The following GRAP2 variants were observed in gnomAD, a reference collection of about 807,000 sequenced individuals.
GRAP2 encodes GRB2-related adapter protein 2.
In GRAP2, 31 loss-of-function variants were observed where a neutral mutation model predicts 43.5. That is an observed-to-expected ratio of 0.71 (90% CI 0.54 to 0.96). The LOEUF (loss-of-function observed/expected upper bound fraction) is 0.96, where lower values mean the gene tolerates loss of function less well. GRAP2 is among the 40% of genes least tolerant of loss of function. The pLI is 0.00. For missense variants in GRAP2, 371 were observed against 424.4 expected (o/e 0.87, Z 1.11); for synonymous variants, 156 against 164.8 (o/e 0.95, Z 0.41).
chr22:39,929,751 T>C (rs987221750), intron 1 of GRAP2, among the ~76,000 whole-genome samples: 1 of 152,248 alleles, frequency 6.6e-6, no homozygotes, highest in Non-Finnish European at 1.5e-5. Flanking sequence ...TTAATAGCTC[T>C]ACCCAGACTT....
intron 1 of GRAP2, among the ~76,000 whole-genome samples, chr22:39,904,899 T>A (rs2145566738): frequency 6.6e-6 from 1 of 152,354 alleles, no homozygotes; most frequent in Middle Eastern, 3.4e-3. Context: ...AATTTGTTCC[T>A]CTACCCACTT....
At chr22:39,908,793 AT>A (rs1480664586) in intron 1 of GRAP2, among the ~76,000 whole-genome samples, 2 of 152,118 alleles carry the variant, frequency 1.3e-5, no homozygotes, top group African/African-American at 2.4e-5. Context: ...TGTGCTTCAA[AT>A]TTTCTAAGTG....
rs895758787 is a variant in GRAP2 at position 39,964,461 on chromosome 22, C to T, written c.291-1529C>T. 43 of 1,012,948 alleles carry T rather than the reference C, an allele frequency of 4.2e-5. No homozygotes were observed. The African/African-American group carries it at 4.9e-4, about 12-fold the overall frequency. 62.7% of individuals were successfully genotyped at this position (1,012,948 alleles called of 1,614,324 possible). On this transcript the variant is annotated intron_variant, in intron 4 of 7. Transcript: ENST00000344138. ...AGATGGACGAGGAAGAGAAGGCTTT[C>T]AAGCAGAAACAAAAAGAGGAGCAGA... is the stretch of plus-strand genomic sequence containing the variant.
chr22:39,969,711 C>T (rs893345606), intron 7 of GRAP2, among the ~76,000 whole-genome samples, 178 bp downstream of exon 7: 2 of 152,058 alleles, frequency 1.3e-5, no homozygotes, highest in Non-Finnish European at 2.9e-5. Flanking sequence ...GTCAGGAGTT[C>T]GAGACCAGCC....
At chr22:39,958,139 C>T (rs144755413) in intron 3 of GRAP2, among the ~76,000 whole-genome samples, 1 of 152,096 alleles carries the variant, frequency 6.6e-6, no homozygotes, top group Non-Finnish European at 1.5e-5. Flanking sequence ...GGGATCCCCC[C>T]TCCCACTGGA....
intron 2 of GRAP2, among the ~76,000 whole-genome samples, chr22:39,953,946 C>A (rs1185414585): frequency 6.6e-6 from 1 of 152,174 alleles, no homozygotes; most frequent in Non-Finnish European, 1.5e-5. Flanking sequence ...CTTACTGTTA[C>A]TTCCCTGCTC....
At chr22:39,944,105 C>T (rs187259515) in intron 1 of GRAP2, among the ~76,000 whole-genome samples, 56 of 152,258 alleles carry the variant, frequency 3.7e-4, no homozygotes, top group Admixed American at 3.3e-3. Flanking sequence ...CTCCGCCCCC[C>T]ACAACTCTGT....
intron 4 of GRAP2, chr22:39,964,407 A>T (rs1156714607): frequency 2.5e-6 from 2 of 808,912 alleles, no homozygotes; most frequent in Non-Finnish European, 4.2e-6. Flanking sequence ...AGAAGAAGGC[A>T]CTGAAACAGC....
intron 1 of GRAP2, among the ~76,000 whole-genome samples, chr22:39,914,781 C>G (rs2066591144): frequency 6.6e-6 from 1 of 152,132 alleles, no homozygotes; most frequent in Non-Finnish European, 1.5e-5. Context: ...ATCAAAGTTA[C>G]AACAGATGAG....
intron 1 of GRAP2, among the ~76,000 whole-genome samples, chr22:39,920,875 A>T (rs1345240799): frequency 6.6e-6 from 1 of 151,866 alleles, no homozygotes; most frequent in African/African-American, 2.4e-5. Context: ...CATTAGCAGG[A>T]CAAGACCTGA....
intron 1 of GRAP2, among the ~76,000 whole-genome samples, chr22:39,934,405 C>G (rs1421744040): frequency 2.6e-5 from 4 of 152,130 alleles, no homozygotes; most frequent in African/African-American, 9.7e-5. Context: ...CCAGCCCTAC[C>G]TGATTCAAAA....
At chr22:39,957,740 G>A (rs2067072962) in intron 3 of GRAP2, among the ~76,000 whole-genome samples, 1 of 152,064 alleles carries the variant, frequency 6.6e-6, no homozygotes, top group African/African-American at 2.4e-5. Context: ...TTTGAGACCA[G>A]CCTGGGCAAC....
chr22:39,968,476 C>T, intron 6 of GRAP2: 1 of 584,196 alleles, frequency 1.7e-6, no homozygotes. Context: ...CACACACACA[C>T]ACACTGTCTC....
rs376214658 is a variant in GRAP2, at chr22:39,966,183, C to A, written c.459+25C>A. Reference sequence around the variant, plus strand: ...GGTATGCTCCAGATCCAGTCGACCCCAATCTAGAGATTTTAGGCAGCCTGA... The same window carrying A: ...GGTATGCTCCAGATCCAGTCGACCCAAATCTAGAGATTTTAGGCAGCCTGA... On this transcript the variant is annotated intron_variant, in intron 5 of 7. Coordinates refer to ENST00000344138, the MANE Select transcript of GRAP2 (RefSeq NM_004810.4). 5.0e-6 allele frequency: 8 copies of A among 1,600,490 alleles called. No homozygotes were observed. In the African/African-American group the frequency reaches 1.1e-4, roughly 22 times the overall value.
chr22:39,908,956 G>A (rs2066540761), intron 1 of GRAP2, among the ~76,000 whole-genome samples: 1 of 152,128 alleles, frequency 6.6e-6, no homozygotes, highest in Non-Finnish European at 1.5e-5. Context: ...TGTGTTCTGT[G>A]CTCAGCCTCA....
In GRAP2 at chr22:39,945,667, G is replaced by A. The variant is rs545691068; in HGVS notation, c.-14-1426G>A. On this transcript the variant is annotated intron_variant, in intron 1 of 7. Transcript: ENST00000344138. The stretch of plus-strand genomic sequence containing the variant: ...TAAGCTGTCTTAGCAGAGAATCACA[G>A]GATTTGATAGTCATGGAGATTAGTT... Among the ~76,000 whole-genome samples the A allele has an allele frequency of 2.6e-5, 4 of 152,306 alleles. No individual in the cohort carries two copies. The East Asian group carries it at 5.8e-4, about 22-fold the overall frequency.
chr22:39,968,439 A>T, intron 6 of GRAP2, 167 bp downstream of exon 6: 1 of 643,114 alleles, frequency 1.6e-6, no homozygotes, highest in Non-Finnish European at 2.7e-6. Context: ...ATCTCTATGA[A>T]TTAAATGGCT....
chr22:39,923,251 C>T (rs1254975156), intron 1 of GRAP2, among the ~76,000 whole-genome samples: 1 of 152,156 alleles, frequency 6.6e-6, no homozygotes, highest in East Asian at 1.9e-4. Context: ...CTCAGAAATG[C>T]ACCTCTGAGA....
At chr22:39,920,626 G>C (rs2066641138) in intron 1 of GRAP2, among the ~76,000 whole-genome samples, 1 of 152,140 alleles carries the variant, frequency 6.6e-6, no homozygotes. Context: ...TGTGCTGACT[G>C]TGACCCCACT....
Sources: gnomAD v4.1 joint callset for allele counts (sites outside exome capture counted in the v4.1 genomes callset) on GRCh38, gnomAD v4.1.1 for gene constraint, MANE v1.5 for transcripts, NCBI Gene and HGNC (gene_info 2026-07-23, HGNC 2026-07-21) for gene names.